Variants in FKBP9 observed in about 807,000 individuals in gnomAD.
FKBP9 encodes the protein peptidyl-prolyl cis-trans isomerase FKBP9.
A neutral mutation model predicts 55.6 loss-of-function variants in FKBP9; 27 were observed. The ratio of observed to expected loss-of-function variants is 0.49; its 90% CI spans 0.36 to 0.67. FKBP9 has a LOEUF of 0.67. Ranked by LOEUF, FKBP9 falls within the 30% of genes least tolerant of loss-of-function variation. FKBP9 has a pLI of 0.00. For synonymous variants in FKBP9, 267 were observed against 296.5 expected (o/e 0.90, Z 1.02); for missense variants, 539 against 742.8 (o/e 0.73, Z 3.19).
rs1192383553 is a variant in FKBP9, at chr7:33,006,205, C to T, written c.*854C>T. 5.0e-6 allele frequency: 1 copy of T among 198,498 alleles called. No individual in the cohort carries two copies. The allele number at this position is 198,498 out of a possible 1,614,324, so 12.3% of individuals were successfully genotyped here. On this transcript the variant is annotated 3_prime_UTR_variant, in exon 10 of 10. Coordinates refer to ENST00000242209, the MANE Select transcript of FKBP9 (RefSeq NM_007270.5). The stretch of plus-strand genomic sequence containing the variant: ...CTGTCTCGGCTCACTGCAGCCTCCG[C>T]CTCCCGTATTCAAGCGATTCTCCTG...
At position 33,002,663 on chromosome 7, in the gene FKBP9, G is replaced by A. The variant is rs1784955276; in HGVS notation, c.1373-13G>A. The A allele has an allele frequency of 6.2e-7, 1 of 1,612,508 alleles. No homozygotes were observed. The highest frequency in any genetic ancestry group is 1.7e-4 in the Middle Eastern group (1 of 6,050). ...CCGGCTGACACCGCCTCCCGCTCCT[G>A]TCACCTGGACAGATGGAGAAGTGCC... is the stretch of plus-strand genomic sequence containing the variant. On this transcript the variant is annotated splice_polypyrimidine_tract_variant and intron_variant, in intron 8 of 9. Transcript: ENST00000242209.
intron 1 of FKBP9, among the ~76,000 whole-genome samples, chr7:32,963,957 G>A (rs1399900130): frequency 6.6e-6 from 1 of 152,232 alleles, no homozygotes; most frequent in Non-Finnish European, 1.5e-5. Flanking sequence ...CTTTCAGCAG[G>A]ACTGGTCCAC....
chr7:32,975,295 C>G lies in FKBP9; in HGVS notation c.481C>G (p.Arg161Gly). The part of the protein sequence containing the change: ...HTYFKPPSCP[R>G]TIQVSDFVRY... ...CTATTTCAAGCCCCCGAGTTGCCCT[C>G]GGACCATCCAGGTGTCTGATTTTGT... is the stretch of plus-strand genomic sequence containing the variant. The change falls in exon 3 of 10, where the codon CGG (arginine) becomes GGG (glycine). Residue 161 changes from arginine (R) to glycine (G), a missense_variant. Coordinates refer to ENST00000242209, the MANE Select transcript of FKBP9 (RefSeq NM_007270.5). 3.1e-6 allele frequency: 5 copies of G among 1,613,946 alleles called. No individual in the cohort carries two copies. Among genetic ancestry groups the G allele is most frequent in the Non-Finnish European group, 4.2e-6 (5 of 1,179,814 alleles).
At chr7:32,983,096 A>C (rs1053113351) in intron 5 of FKBP9, among the ~76,000 whole-genome samples, 1 of 151,500 alleles carries the variant, frequency 6.6e-6, no homozygotes, top group Non-Finnish European at 1.5e-5. Flanking sequence ...TGATCTCAGC[A>C]CACTGCAACC....
intron 5 of FKBP9, among the ~76,000 whole-genome samples, chr7:32,982,602 A>C (rs1784500567): frequency 6.6e-6 from 1 of 152,202 alleles, no homozygotes; most frequent in African/African-American, 2.4e-5. Flanking sequence ...ACCAAAAAAA[A>C]ATCATTTAGT....
chr7:32,981,266 G>A (rs1192671723), intron 5 of FKBP9, among the ~76,000 whole-genome samples: 2 of 152,196 alleles, frequency 1.3e-5, no homozygotes, highest in Non-Finnish European at 2.9e-5. Context: ...TTAGATTAAA[G>A]AGATAAGGTA....
At chr7:32,998,938 A>C (rs1397362364) in intron 7 of FKBP9, among the ~76,000 whole-genome samples, 5 of 152,216 alleles carry the variant, frequency 3.3e-5, no homozygotes, top group African/African-American at 9.6e-5. Flanking sequence ...TGCTTGGAGA[A>C]TTTTCTTACG....
intron 9 of FKBP9, among the ~76,000 whole-genome samples, chr7:33,004,910 A>G (rs7782137): frequency 0.16 from 23,875 of 152,048 alleles, 2,351 homozygotes; most frequent in East Asian, 0.41. Context: ...TGGGAGAAGG[A>G]ATAGCTCTGA....
At chr7:32,999,737 G>GT (rs1431098711) in intron 7 of FKBP9, among the ~76,000 whole-genome samples, 1 of 152,076 alleles carries the variant, frequency 6.6e-6, no homozygotes, top group Non-Finnish European at 1.5e-5. Context: ...AAAAGCCAGG[G>GT]TTTTTTGTCT....
At chr7:33,004,430 G>C (rs1784994485) in intron 9 of FKBP9, among the ~76,000 whole-genome samples, 1 of 152,136 alleles carries the variant, frequency 6.6e-6, no homozygotes, top group Non-Finnish European at 1.5e-5. Flanking sequence ...AGTGCTGTCT[G>C]TGACCACCCA....
intron 7 of FKBP9, among the ~76,000 whole-genome samples, chr7:32,996,633 CCTTCCTTCCTTCCTT>C (rs1784794723): frequency 6.8e-6 from 1 of 146,700 alleles, no homozygotes; most frequent in African/African-American, 2.6e-5. Flanking sequence ...TTCCTTCCTT[CCTTCCTTCCTTCCTT>C]CCTTCCTTCC....
intron 5 of FKBP9, among the ~76,000 whole-genome samples, chr7:32,987,530 A>G (rs1226346990): frequency 6.6e-6 from 1 of 152,026 alleles, no homozygotes; most frequent in East Asian, 1.9e-4. Flanking sequence ...ATTAGAAAAT[A>G]AAAACAGAAT....
At chr7:32,972,705 T>A (rs1161488814) in intron 1 of FKBP9, among the ~76,000 whole-genome samples, 3 of 152,104 alleles carry the variant, frequency 2.0e-5, no homozygotes, top group Non-Finnish European at 4.4e-5. Flanking sequence ...GATTTTATAC[T>A]GTGTTAACCT....
intron 6 of FKBP9, among the ~76,000 whole-genome samples, chr7:32,994,296 G>A (rs902611742): frequency 2.6e-5 from 4 of 152,270 alleles, no homozygotes; most frequent in African/African-American, 9.6e-5. Context: ...TTTCTTGTCT[G>A]TATGGATTTG....
chr7:32,964,529 A>G (rs1457713802), intron 1 of FKBP9, among the ~76,000 whole-genome samples: 1 of 152,180 alleles, frequency 6.6e-6, no homozygotes, highest in Admixed American at 6.5e-5. Flanking sequence ...TCAGGGTCTG[A>G]TTCTCTGAGG....
chr7:32,966,190 CAAA>C (rs60022113), intron 1 of FKBP9, among the ~76,000 whole-genome samples: 2 of 77,218 alleles, frequency 2.6e-5, no homozygotes, highest in Non-Finnish European at 5.0e-5. Context: ...GACGCCATCT[CAAA>C]AAAAAAAAAA....
rs146052747 is a variant in FKBP9 at position 33,004,202 on chromosome 7, C to T, written c.1537-973C>T. Among the ~76,000 whole-genome samples the T allele has an allele frequency of 6.0e-3, 913 of 152,202 alleles. 9 individuals are homozygous for T. Among genetic ancestry groups the T allele is most frequent in the African/African-American group, 0.021 (865 of 41,530 alleles). Reference sequence around the variant, plus strand: ...CACCCTGTAGCATCTTAGCCCGGGGCCTGTCATCTCTTTCCCGGGTCACAC... The same window carrying T: ...CACCCTGTAGCATCTTAGCCCGGGGTCTGTCATCTCTTTCCCGGGTCACAC... On this transcript the variant is annotated intron_variant, in intron 9 of 9. Transcript: ENST00000242209.
Position 33,006,053 on chromosome 7 carries a change from C to T in FKBP9, c.*702C>T, listed in dbSNP as rs934468359. 9.5e-6 allele frequency: 2 copies of T among 209,498 alleles called. No homozygotes were observed. The highest frequency in any genetic ancestry group is 1.2e-4 in the Admixed American group (2 of 16,670). 13.0% of individuals were successfully genotyped at this position (209,498 alleles called of 1,614,324 possible). On this transcript the variant is annotated 3_prime_UTR_variant, in exon 10 of 10. Transcript: ENST00000242209. ...ACCACAAATAGAGAATTTGATTCCT[C>T]ATTTGCCACATAAGTCATCTGCTTA... is the stretch of plus-strand genomic sequence containing the variant.
At chr7:32,986,962 T>TG (rs757690633) in intron 5 of FKBP9, among the ~76,000 whole-genome samples, 14 of 152,242 alleles carry the variant, frequency 9.2e-5, no homozygotes, top group Non-Finnish European at 1.9e-4. Flanking sequence ...CATTATGCTG[T>TG]GGGGAATTGA....
Sources: allele counts gnomAD v4.1 joint callset (sites outside exome capture counted in the v4.1 genomes callset), GRCh38; gene constraint gnomAD v4.1.1; transcripts MANE v1.5; gene names NCBI Gene and HGNC (gene_info 2026-07-23, HGNC 2026-07-21).